Variants in TECRL observed in about 807,000 individuals in gnomAD.
The protein encoded by TECRL is trans-2,3-enoyl-CoA reductase like.
Under a neutral mutation model 52.8 loss-of-function variants are expected in TECRL, and 63 were observed. The observed-to-expected ratio is 1.19, with a 90% CI of 0.97 to 1.47. The LOEUF is 1.47. Among genes scored for constraint, TECRL ranks in the 40% most tolerant of loss-of-function variants. The pLI is 0.00. For missense variants in TECRL, 482 were observed against 429.6 expected (o/e 1.12, Z -1.08); for synonymous variants, 164 against 141.9 (o/e 1.16, Z -1.10).
At chr4:64,404,360 C>G (rs1277529218) in intron 1 of TECRL, among the ~76,000 whole-genome samples, 1 of 151,928 alleles carries the variant, frequency 6.6e-6, no homozygotes, top group African/African-American at 2.4e-5. Flanking sequence ...CTTGCATGCT[C>G]TTCAATCATT....
intron 7 of TECRL, 55 bp downstream of exon 7, chr4:64,305,111 G>T (rs1724251637): frequency 7.9e-7 from 1 of 1,261,422 alleles, no homozygotes; most frequent in Non-Finnish European, 1.1e-6. Flanking sequence ...ATTTAGAATA[G>T]AGTTTTTAGG....
intron 2 of TECRL, among the ~76,000 whole-genome samples, chr4:64,339,299 G>A (rs1719369751): frequency 9.8e-6 from 1 of 101,640 alleles, no homozygotes. Flanking sequence ...GGGGGGAGGG[G>A]GGAGGGACAG....
At chr4:64,280,226 T>C in intron 11 of TECRL, 27 bp from the exon 12 acceptor site, 1 of 1,390,904 alleles carries the variant, frequency 7.2e-7, no homozygotes, top group East Asian at 2.6e-5. Flanking sequence ...ATAATTATTA[T>C]TTCTTTCTTA....
chr4:64,322,589 T>C, intron 4 of TECRL, 100 bp downstream of exon 4: 1 of 753,960 alleles, frequency 1.3e-6, no homozygotes, highest in Non-Finnish European at 1.9e-6. Flanking sequence ...TTTCACTACA[T>C]TTTGTTTCGC....
intron 7 of TECRL, 183 bp downstream of exon 7, chr4:64,304,983 A>C: frequency 2.4e-6 from 1 of 411,550 alleles, no homozygotes. Flanking sequence ...AAACAAAATA[A>C]ATAAAAATAT....
At chr4:64,351,398 C>G (rs558539508) in intron 2 of TECRL, among the ~76,000 whole-genome samples, 1 of 152,022 alleles carries the variant, frequency 6.6e-6, no homozygotes, top group South Asian at 2.1e-4. Flanking sequence ...GTCTCAGCCT[C>G]TGAAGTAGCT....
At chr4:64,303,652 A>G (rs2109983056) in intron 7 of TECRL, among the ~76,000 whole-genome samples, 1 of 151,982 alleles carries the variant, frequency 6.6e-6, no homozygotes, top group Middle Eastern at 3.4e-3. Flanking sequence ...AAAATGTGCC[A>G]ACCATTTAGC....
intron 1 of TECRL, among the ~76,000 whole-genome samples, chr4:64,396,184 A>T (rs996139153): frequency 1.3e-5 from 2 of 152,138 alleles, no homozygotes; most frequent in African/African-American, 4.8e-5. Flanking sequence ...TTCCTGTGGA[A>T]ATATGAATGG....
chr4:64,389,135 A>T (rs1723377813), intron 1 of TECRL, among the ~76,000 whole-genome samples: 1 of 151,938 alleles, frequency 6.6e-6, no homozygotes, highest in African/African-American at 2.4e-5. Flanking sequence ...CACATTAGCT[A>T]GAACTTCCAG....
intron 1 of TECRL, among the ~76,000 whole-genome samples, chr4:64,378,427 C>T (rs942374499): frequency 1.3e-5 from 2 of 151,862 alleles, no homozygotes; most frequent in African/African-American, 4.8e-5. Flanking sequence ...ATTAGCAGGG[C>T]ATGGAGGGGT....
At chr4:64,345,926 A>AAAAAAAAAAAAAAAAAAAAAAC (rs1560516735) in intron 2 of TECRL, among the ~76,000 whole-genome samples, 1 of 146,326 alleles carries the variant, frequency 6.8e-6, no homozygotes, top group Non-Finnish European at 1.5e-5. Context: ...AAAAAAAAAA[A>AAAAAAAAAAAAAAAAAAAAAAC]AAAAACATTT....
chr4:64,333,983 C>T (rs1451806824), intron 2 of TECRL, among the ~76,000 whole-genome samples: 4 of 112,214 alleles, frequency 3.6e-5, no homozygotes, highest in Non-Finnish European at 7.0e-5. Flanking sequence ...GAGATTGCGC[C>T]ACTGCAGTCC....
chr4:64,303,205 T>G (rs1724122966), intron 7 of TECRL, among the ~76,000 whole-genome samples: 1 of 150,246 alleles, frequency 6.7e-6, no homozygotes, highest in South Asian at 2.1e-4. Flanking sequence ...GAAGTTTTTT[T>G]GCAGCATAAA....
chr4:64,406,030 T>C (rs978532676), intron 1 of TECRL, among the ~76,000 whole-genome samples: 4 of 151,962 alleles, frequency 2.6e-5, no homozygotes, highest in Non-Finnish European at 4.4e-5. Flanking sequence ...GGGACTAGGA[T>C]ACAGTGAGAA....
chr4:64,352,653 C>A (rs1458815110), intron 2 of TECRL, among the ~76,000 whole-genome samples: 1 of 152,116 alleles, frequency 6.6e-6, no homozygotes, highest in Non-Finnish European at 1.5e-5. Flanking sequence ...AGCATTACTT[C>A]CTCTATAGTA....
intron 2 of TECRL, among the ~76,000 whole-genome samples, chr4:64,357,942 G>C (rs73821116): frequency 0.01 from 1,524 of 151,786 alleles, 23 homozygotes; most frequent in African/African-American, 0.033. Flanking sequence ...TAAAGACCAT[G>C]AACATGTGAT....
At chr4:64,295,812 A>G (rs558794428) in intron 8 of TECRL, among the ~76,000 whole-genome samples, 1 of 152,080 alleles carries the variant, frequency 6.6e-6, no homozygotes, top group South Asian at 2.1e-4. Flanking sequence ...GACAATTATT[A>G]TAAATTATAA....
At position 64,290,857 on chromosome 4, in the gene TECRL, C is replaced by G. The variant is rs533566538; in HGVS notation, c.775-1090G>C. Among the ~76,000 whole-genome samples the G allele has an allele frequency of 3.3e-5, 5 of 151,990 alleles. No individual in the cohort carries two copies. The South Asian group carries it at 1.0e-3, about 32-fold the overall frequency. ...CAGGACATAATGTAAACAAATACAC[C>G]AAATATATTAAATCTGTATTTAAAG... On this transcript the variant is annotated intron_variant, in intron 8 of 11. Transcript: ENST00000381210.
chr4:64,407,879 C>G (rs1724833505), intron 1 of TECRL, among the ~76,000 whole-genome samples: 1 of 150,248 alleles, frequency 6.7e-6, no homozygotes, highest in African/African-American at 2.4e-5. Context: ...CACCTTGATA[C>G]TAAAATAAAA....
Sources: allele counts gnomAD v4.1 joint callset (sites outside exome capture counted in the v4.1 genomes callset), GRCh38; gene constraint gnomAD v4.1.1; transcripts MANE v1.5; gene names NCBI Gene and HGNC (gene_info 2026-07-23, HGNC 2026-07-21).